PUDP: variants seen among roughly 807,000 people sequenced by gnomAD.
PUDP encodes the protein pseudouridine 5'-phosphatase.
Under a neutral mutation model 9.4 loss-of-function variants are expected in PUDP, and 8 were observed. The observed-to-expected ratio is 0.85, with a 90% CI of 0.50 to 1.53. The LOEUF is 1.53. PUDP is among the 40% of genes most tolerant of loss of function. PUDP has a pLI of 0.00. For synonymous variants in PUDP, 99 were observed against 80.7 expected (o/e 1.23, Z -1.22); for missense variants, 188 against 189.7 (o/e 0.99, Z 0.05).
chrX:7,110,134 C>T (rs1932000793), intron 1 of PUDP, among the ~76,000 whole-genome samples: 3 of 111,638 alleles, frequency 2.7e-5, no homozygotes, highest in African/African-American at 9.8e-5. Flanking sequence ...CGGGTGTTTT[C>T]ATCCTCAGAG....
At chrX:6,807,602 C>A (rs1014046412) in intron 3 of PUDP, among the ~76,000 whole-genome samples, 1 of 111,827 alleles carries the variant, frequency 8.9e-6, no homozygotes, top group South Asian at 3.8e-4. Context: ...AGAGAAGGCA[C>A]GGTGTGCAAG....
At chrX:6,811,380 C>T (rs1339188313) in intron 3 of PUDP, among the ~76,000 whole-genome samples, 1 of 110,467 alleles carries the variant, frequency 9.1e-6, no homozygotes, top group East Asian at 2.8e-4. Flanking sequence ...AATGGTGTGA[C>T]CTCGGCTCAC....
At chrX:7,034,618 ATATG>A (rs971984099) in intron 1 of PUDP, among the ~76,000 whole-genome samples, 2 of 112,037 alleles carry the variant, frequency 1.8e-5, no homozygotes, top group Admixed American at 9.5e-5. Flanking sequence ...ATGTATGTAT[ATATG>A]TATGTATCTA....
At chrX:6,928,574 A>G (rs1928141072) in intron 3 of PUDP, among the ~76,000 whole-genome samples, 3 of 112,147 alleles carry the variant, frequency 2.7e-5, no homozygotes, top group Admixed American at 1.9e-4. Flanking sequence ...TTAAAATTAT[A>G]AATTACAATC....
chrX:6,729,178 G>A (rs1315762125), intron 3 of PUDP, among the ~76,000 whole-genome samples: 1 of 111,685 alleles, frequency 9.0e-6, no homozygotes, highest in Admixed American at 9.5e-5. Flanking sequence ...GAACTGCTTA[G>A]GGCCAAACTG....
At chrX:6,721,944 G>A (rs1924678181), upstream of PUDP, among the ~76,000 whole-genome samples, 1 of 111,072 alleles carries the variant, frequency 9.0e-6, no homozygotes. Context: ...GTGGAACACT[G>A]GATAGACTAC....
chrX:7,062,335 C>T (rs1159787865), intron 3 of PUDP, among the ~76,000 whole-genome samples: 2 of 111,589 alleles, frequency 1.8e-5, no homozygotes, highest in East Asian at 5.6e-4. Context: ...GCAGGGACAG[C>T]AGTCCATTCA....
chrX:7,091,995 G>A (rs188266035), intron 2 of PUDP, among the ~76,000 whole-genome samples: 1 of 112,312 alleles, frequency 8.9e-6, no homozygotes, highest in Non-Finnish European at 1.9e-5. Context: ...ACCTAAACAA[G>A]CACAAGTATT....
intron 3 of PUDP, among the ~76,000 whole-genome samples, chrX:6,895,544 A>G (rs1437231782): frequency 9.1e-6 from 1 of 110,042 alleles, no homozygotes; most frequent in African/African-American, 3.3e-5. Flanking sequence ...TTAAATTTCA[A>G]AATCACCTAC....
At chrX:7,007,173 G>C (rs1929413492) in intron 1 of PUDP, among the ~76,000 whole-genome samples, 1 of 111,011 alleles carries the variant, frequency 9.0e-6, no homozygotes. Flanking sequence ...GGTTTATATA[G>C]CTGGGAAGGG....
At chrX:6,877,322 A>G (rs1927279682) in intron 3 of PUDP, among the ~76,000 whole-genome samples, 1 of 111,184 alleles carries the variant, frequency 9.0e-6, no homozygotes, top group Non-Finnish European at 1.9e-5. Flanking sequence ...AACACTATCA[A>G]TTATTCATCC....
intron 3 of PUDP, among the ~76,000 whole-genome samples, chrX:6,965,559 G>T (rs916408335): frequency 2.7e-5 from 3 of 112,047 alleles, no homozygotes; most frequent in South Asian, 3.7e-4. Flanking sequence ...CTGCCTCAAA[G>T]ATTGTGACAA....
chrX:7,066,509 G>A (rs775851234), intron 3 of PUDP, among the ~76,000 whole-genome samples: 1 of 110,917 alleles, frequency 9.0e-6, no homozygotes, highest in Non-Finnish European at 1.9e-5. Context: ...ACACAACTCA[G>A]ATCCCCTGCA....
intron 3 of PUDP, among the ~76,000 whole-genome samples, chrX:6,778,632 G>A (rs972803514): frequency 1.8e-5 from 2 of 112,434 alleles, no homozygotes; most frequent in African/African-American, 6.5e-5. Flanking sequence ...TGCATCCAGA[G>A]TGCCGCAGGC....
chrX:6,714,503 TATGATAGATG>T, intron 1 of PUDP, among the ~76,000 whole-genome samples: 1 of 111,616 alleles, frequency 9.0e-6, no homozygotes, highest in Non-Finnish European at 1.9e-5. Context: ...TATAGATAGA[TATGATAGATG>T]ATGATAGATA....
chrX:7,072,190 T>G (rs1269497269), intron 3 of PUDP, among the ~76,000 whole-genome samples: 1 of 111,811 alleles, frequency 8.9e-6, no homozygotes, highest in Non-Finnish European at 1.9e-5. Flanking sequence ...TATGTGGACT[T>G]AGCCCTTATT....
chrX:6,989,263 C>T (rs932110788), intron 1 of PUDP: 5 of 111,132 alleles, frequency 4.5e-5, no homozygotes, highest in Admixed American at 1.9e-4. Flanking sequence ...TCCTTGTATT[C>T]CTAGCAAATG....
At chrX:7,129,260 T>C (rs1932559420) in intron 1 of PUDP, among the ~76,000 whole-genome samples, 1 of 112,456 alleles carries the variant, frequency 8.9e-6, no homozygotes, top group African/African-American at 3.2e-5. Context: ...TTTTATATTC[T>C]CATACTGGCT....
intron 1 of PUDP, among the ~76,000 whole-genome samples, chrX:7,114,319 G>A (rs1246751618): frequency 9.0e-6 from 1 of 111,132 alleles, no homozygotes; most frequent in African/African-American, 3.3e-5. Flanking sequence ...CTGACCTCAT[G>A]ATCCACCTGC....
Sources: allele counts gnomAD v4.1 joint callset (sites outside exome capture counted in the v4.1 genomes callset), GRCh38; gene constraint gnomAD v4.1.1; transcripts MANE v1.5; gene names NCBI Gene and HGNC (gene_info 2026-07-23, HGNC 2026-07-21).